Variants in IL1RAPL1 observed in about 807,000 individuals in gnomAD.
IL1RAPL1 encodes interleukin 1 receptor accessory protein like 1.
IL1RAPL1 carries 3 observed loss-of-function variants against 48.4 expected under a neutral mutation model. The observed-to-expected ratio is 0.06, with a 90% CI of 0.03 to 0.16. IL1RAPL1 has a LOEUF of 0.16. Among genes scored for constraint, IL1RAPL1 ranks in the 10% least tolerant of loss-of-function variants. The probability of loss-of-function intolerance (pLI) is 1.00; values close to 1 mark genes in which losing one functional copy is unlikely to be tolerated. For synonymous variants in IL1RAPL1, 185 were observed against 187.7 expected, an observed-to-expected ratio of 0.99 and a Z score of 0.12; for missense variants, 349 against 530.6, an observed-to-expected ratio of 0.66 and a Z score of 3.36.
intron 2 of IL1RAPL1, among the ~76,000 whole-genome samples, chrX:29,093,018 C>T (rs1454980158): frequency 9.0e-6 from 1 of 111,562 alleles, no homozygotes; most frequent in East Asian, 2.8e-4. Context: ...GTCATTACTG[C>T]CATGTTGCTT....
At chrX:29,686,809 C>T (rs1423488868) in intron 6 of IL1RAPL1, among the ~76,000 whole-genome samples, 1 of 110,047 alleles carries the variant, frequency 9.1e-6, no homozygotes, top group Admixed American at 9.8e-5. Context: ...CCGTCCACCT[C>T]GGCCTCCCAA....
intron 5 of IL1RAPL1, among the ~76,000 whole-genome samples, chrX:29,550,066 T>C (rs993985138): frequency 4.4e-5 from 5 of 112,373 alleles, no homozygotes; most frequent in African/African-American, 1.3e-4. Flanking sequence ...AAAATTCTCA[T>C]GAACAACTAA....
chrX:29,742,007 G>A (rs1468794016), intron 6 of IL1RAPL1, among the ~76,000 whole-genome samples: 1 of 105,332 alleles, frequency 9.5e-6, no homozygotes, highest in East Asian at 3.0e-4. Context: ...AACCAGCACA[G>A]CATTGATGCA....
intron 5 of IL1RAPL1, among the ~76,000 whole-genome samples, chrX:29,482,934 G>A (rs190908650): frequency 1.8e-5 from 2 of 111,930 alleles, no homozygotes; most frequent in African/African-American, 3.2e-5. Context: ...CAATATTAGG[G>A]TATTTGTGTT....
chrX:28,943,144 C>A (rs188296506), intron 2 of IL1RAPL1, among the ~76,000 whole-genome samples: 2 of 103,809 alleles, frequency 1.9e-5, no homozygotes, highest in African/African-American at 3.5e-5. Context: ...ATTCCAGATA[C>A]GTTATGTGAT....
chrX:29,403,895 T>A (rs1170208768), intron 5 of IL1RAPL1, among the ~76,000 whole-genome samples: 2 of 112,380 alleles, frequency 1.8e-5, no homozygotes, highest in Admixed American at 1.9e-4. Flanking sequence ...GAATATGGTG[T>A]TTACGTACAA....
chrX:28,866,380 A>G (rs1469639402), intron 2 of IL1RAPL1, among the ~76,000 whole-genome samples: 2 of 111,382 alleles, frequency 1.8e-5, no homozygotes, highest in Admixed American at 1.9e-4. Context: ...TCTGGAGGAA[A>G]TGGTGGGAAG....
chrX:29,602,620 C>T (rs1259555451), intron 5 of IL1RAPL1, among the ~76,000 whole-genome samples: 9 of 112,170 alleles, frequency 8.0e-5, no homozygotes, highest in Non-Finnish European at 1.5e-4. Context: ...TTTTGCCTTT[C>T]TCAAATCAAA....
intron 5 of IL1RAPL1, among the ~76,000 whole-genome samples, chrX:29,475,809 A>G (rs891862952): frequency 9.1e-6 from 1 of 110,088 alleles, no homozygotes; most frequent in African/African-American, 3.3e-5. Context: ...CACGTTTCCT[A>G]TAATAATTCA....
intron 2 of IL1RAPL1, among the ~76,000 whole-genome samples, chrX:29,121,406 C>G (rs745482570): frequency 8.9e-6 from 1 of 112,109 alleles, no homozygotes; most frequent in South Asian, 3.7e-4. Flanking sequence ...AGATGTAACA[C>G]TATCTTAAGT....
At chrX:29,493,310 A>G (rs1404750496) in intron 5 of IL1RAPL1, among the ~76,000 whole-genome samples, 1 of 112,287 alleles carries the variant, frequency 8.9e-6, no homozygotes, top group African/African-American at 3.2e-5. Context: ...TACCACAGAT[A>G]CAGATTGGAG....
chrX:28,990,012 A>C (rs1220320245), intron 2 of IL1RAPL1, among the ~76,000 whole-genome samples: 1 of 111,869 alleles, frequency 8.9e-6, no homozygotes, highest in Non-Finnish European at 1.9e-5. Flanking sequence ...GTATTTTAAC[A>C]ACAGATGTAT....
At chrX:29,324,227 C>T in intron 3 of IL1RAPL1, among the ~76,000 whole-genome samples, 1 of 110,995 alleles carries the variant, frequency 9.0e-6, no homozygotes, top group Non-Finnish European at 1.9e-5. Flanking sequence ...CTTTCCTTCC[C>T]ATCATAAGGG....
chrX:28,725,356 A>C (rs751493629), intron 1 of IL1RAPL1, among the ~76,000 whole-genome samples: 1 of 112,015 alleles, frequency 8.9e-6, no homozygotes, highest in East Asian at 2.8e-4. Flanking sequence ...AAAATCTGAA[A>C]GCTTCTTTGA....
intron 3 of IL1RAPL1, among the ~76,000 whole-genome samples, chrX:29,342,138 GTGTGTGTGTGTGTGTGTT>G (rs1933089506): frequency 1.0e-5 from 1 of 99,736 alleles, no homozygotes. Context: ...GTGTGTGTGT[GTGTGTGTGTGTGTGTGTT>G]TGTTTTGTTT....
intron 2 of IL1RAPL1, among the ~76,000 whole-genome samples, chrX:29,214,485 G>A (rs1034021366): frequency 1.8e-5 from 2 of 111,443 alleles, no homozygotes; most frequent in African/African-American, 6.5e-5. Context: ...GTGCATAGGA[G>A]TATATTGTAG....
intron 5 of IL1RAPL1, among the ~76,000 whole-genome samples, chrX:29,444,601 G>T (rs2147721752): frequency 9.0e-6 from 1 of 111,200 alleles, no homozygotes; most frequent in African/African-American, 3.3e-5. Context: ...TAGGACAAAA[G>T]GGGATGTGGA....
intron 5 of IL1RAPL1, among the ~76,000 whole-genome samples, chrX:29,591,991 G>A (rs1440656273): frequency 8.9e-6 from 1 of 111,761 alleles, no homozygotes; most frequent in Non-Finnish European, 1.9e-5. Context: ...AGGCAGCAGA[G>A]TGTGGCCCTA....
intron 1 of IL1RAPL1, among the ~76,000 whole-genome samples, chrX:28,643,142 G>T (rs187343211): frequency 9.0e-6 from 1 of 111,437 alleles, no homozygotes; most frequent in East Asian, 2.8e-4. Context: ...GCCCGCCTTG[G>T]CCTCCCAAAA....
Sources: allele counts gnomAD v4.1 joint callset (sites outside exome capture counted in the v4.1 genomes callset), GRCh38; gene constraint gnomAD v4.1.1; transcripts MANE v1.5; gene names NCBI Gene and HGNC (gene_info 2026-07-23, HGNC 2026-07-21).